Variants in CREG2 observed in about 807,000 individuals in gnomAD.
CREG2 encodes the protein cellular repressor of E1A stimulated genes 2.
Under a neutral mutation model 26.2 loss-of-function variants are expected in CREG2, and 24 were observed. The ratio of observed to expected loss-of-function variants is 0.92; its 90% CI spans 0.66 to 1.29. The LOEUF is 1.29. CREG2 is among the 50% of genes most tolerant of loss of function. CREG2 has a pLI of 0.00. For missense variants in CREG2, 366 were observed against 398.6 expected (o/e 0.92, Z 0.70); for synonymous variants, 174 against 169.2 (o/e 1.03, Z -0.22).
chr2:101,368,443 T>G (rs146727112), intron 2 of CREG2, among the ~76,000 whole-genome samples: 1 of 152,096 alleles, frequency 6.6e-6, no homozygotes, highest in East Asian at 1.9e-4. Flanking sequence ...ATGCAACCAA[T>G]AAATGGCCCC....
intron 2 of CREG2, among the ~76,000 whole-genome samples, chr2:101,360,574 A>T (rs984551685): frequency 3.3e-5 from 5 of 151,854 alleles, no homozygotes; most frequent in African/African-American, 1.2e-4. Context: ...TGTCTCTACT[A>T]AAAAAATACA....
chr2:101,351,544 A>G (rs749868635), intron 3 of CREG2, among the ~76,000 whole-genome samples: 2 of 152,212 alleles, frequency 1.3e-5, no homozygotes, highest in Non-Finnish European at 2.9e-5. Context: ...ATGAAATGTT[A>G]ACAAAATGGT....
intron 1 of CREG2, among the ~76,000 whole-genome samples, chr2:101,384,785 C>G (rs1453904547): frequency 6.6e-6 from 1 of 152,160 alleles, no homozygotes; most frequent in Non-Finnish European, 1.5e-5. Flanking sequence ...TGCTTGAGCC[C>G]AGGAGTTTGA....
At chr2:101,364,943 C>G (rs190771940) in intron 2 of CREG2, among the ~76,000 whole-genome samples, 4 of 152,194 alleles carry the variant, frequency 2.6e-5, no homozygotes, top group Admixed American at 2.6e-4. Context: ...GTTGGCAGCT[C>G]CATGTGGTCC....
At chr2:101,381,476 T>C (rs541270180) in intron 2 of CREG2, among the ~76,000 whole-genome samples, 3 of 152,344 alleles carry the variant, frequency 2.0e-5, no homozygotes, top group Admixed American at 6.5e-5. Context: ...ACGCCGATTA[T>C]GGGAAGTCGT....
At chr2:101,377,596 C>G (rs1684812366) in intron 2 of CREG2, among the ~76,000 whole-genome samples, 1 of 152,128 alleles carries the variant, frequency 6.6e-6, no homozygotes, top group South Asian at 2.1e-4. Flanking sequence ...GGGCATGCGT[C>G]CATGCTTATG....
At chr2:101,355,826 T>C (rs1346711200) in intron 2 of CREG2, among the ~76,000 whole-genome samples, 1 of 152,110 alleles carries the variant, frequency 6.6e-6, no homozygotes, top group Non-Finnish European at 1.5e-5. Context: ...CTGTACCAAG[T>C]TGCCCACAAA....
intron 2 of CREG2, among the ~76,000 whole-genome samples, chr2:101,361,739 G>A (rs1285104334): frequency 6.6e-6 from 1 of 152,156 alleles, no homozygotes; most frequent in Non-Finnish European, 1.5e-5. Context: ...CCATCTAAAG[G>A]AAGTTGGATG....
rs764709800 is a variant in CREG2, at chr2:101,380,012, TATCA to T, written c.611+3517_611+3520del. On this transcript the variant is annotated intron_variant, in intron 2 of 3. Transcript: ENST00000324768. Reference sequence around the variant, plus strand: ...CTATCTATCTATCTATCTATCTATCTATCAATCATCTATCCATCCATTCATCTAT... The same window carrying T: ...CTATCTATCTATCTATCTATCTATCTATCATCTATCCATCCATTCATCTAT... Among the ~76,000 whole-genome samples, 411 of 150,070 alleles carry T rather than the reference TATCA, an allele frequency of 2.7e-3. 2 individuals are homozygous for T. Among genetic ancestry groups the T allele is most frequent in the South Asian group, 0.011 (51 of 4,758 alleles).
At chr2:101,375,219 C>T (rs1211125098) in intron 2 of CREG2, among the ~76,000 whole-genome samples, 1 of 152,194 alleles carries the variant, frequency 6.6e-6, no homozygotes, top group Non-Finnish European at 1.5e-5. Flanking sequence ...GAGGGATCCT[C>T]ATTTCTGAGA....
chr2:101,361,003 C>A (rs1173415022), intron 2 of CREG2, among the ~76,000 whole-genome samples: 1 of 152,134 alleles, frequency 6.6e-6, no homozygotes, highest in Non-Finnish European at 1.5e-5. Context: ...ATTAGTTGCA[C>A]CCAATTTATT....
At chr2:101,380,793 A>C (rs1462652995) in intron 2 of CREG2, among the ~76,000 whole-genome samples, 1 of 152,004 alleles carries the variant, frequency 6.6e-6, no homozygotes, top group East Asian at 1.9e-4. Flanking sequence ...AAAAATACAA[A>C]AATTAGCTGG....
chr2:101,361,526 C>A (rs771595736), intron 2 of CREG2, among the ~76,000 whole-genome samples: 3 of 152,202 alleles, frequency 2.0e-5, no homozygotes, highest in Non-Finnish European at 4.4e-5. Flanking sequence ...TTGCAGGCAG[C>A]CTCTGGAAGC....
At chr2:101,355,449 A>G (rs943666028) in intron 2 of CREG2, 83 bp from the exon 3 acceptor site, 19 of 809,302 alleles carry the variant, frequency 2.3e-5, no homozygotes, top group Middle Eastern at 2.3e-4. Context: ...AAACTTAAAA[A>G]TAGTAGTCAC....
intron 2 of CREG2, among the ~76,000 whole-genome samples, chr2:101,364,724 C>T (rs1007397302): frequency 1.1e-4 from 16 of 152,176 alleles, no homozygotes; most frequent in African/African-American, 3.6e-4. Context: ...TTTCCCTGGG[C>T]AGACCTGAGC....
At chr2:101,380,334 C>T (rs1684853253) in intron 2 of CREG2, among the ~76,000 whole-genome samples, 2 of 152,188 alleles carry the variant, frequency 1.3e-5, no homozygotes, top group Admixed American at 1.3e-4. Flanking sequence ...CTCACTAGCC[C>T]ATGCTGGTGC....
chr2:101,381,223 C>G (rs1273030386), intron 2 of CREG2, among the ~76,000 whole-genome samples: 1 of 152,178 alleles, frequency 6.6e-6, no homozygotes, highest in East Asian at 1.9e-4. Flanking sequence ...GGCTGTCCTT[C>G]GAAGCTCTAC....
intron 2 of CREG2, 44 bp from the exon 3 acceptor site, chr2:101,355,410 A>G (rs1558813789): frequency 2.4e-6 from 3 of 1,243,148 alleles, no homozygotes; most frequent in Admixed American, 3.5e-5. Context: ...CAAGGACAGA[A>G]CATCAGCCAG....
At chr2:101,369,464 T>C (rs1684669978) in intron 2 of CREG2, among the ~76,000 whole-genome samples, 2 of 152,124 alleles carry the variant, frequency 1.3e-5, no homozygotes, top group South Asian at 4.2e-4. Flanking sequence ...AGAGCTCAGA[T>C]GAGTGGTCTC....
Sources: gnomAD v4.1 joint callset for allele counts (sites outside exome capture counted in the v4.1 genomes callset) on GRCh38, gnomAD v4.1.1 for gene constraint, MANE v1.5 for transcripts, NCBI Gene and HGNC (gene_info 2026-07-23, HGNC 2026-07-21) for gene names.